Variants in POU2F2 observed in about 807,000 individuals in gnomAD.
The protein encoded by POU2F2 is POU class 2 homeobox 2.
Under a neutral mutation model 63.5 loss-of-function variants are expected in POU2F2, and 14 were observed. The observed-to-expected ratio is 0.22, with a 90% CI of 0.15 to 0.34. POU2F2 has a LOEUF of 0.34. Ranked by LOEUF, POU2F2 falls within the 10% of genes least tolerant of loss-of-function variation. The pLI is 1.00. For synonymous variants in POU2F2, 306 were observed against 348.6 expected (o/e 0.88, Z 1.36); for missense variants, 607 against 815.2 (o/e 0.74, Z 3.11).
chr19:42,125,761 C>A (rs1404636827), intron 1 of POU2F2, among the ~76,000 whole-genome samples: 1 of 152,214 alleles, frequency 6.6e-6, no homozygotes, highest in Non-Finnish European at 1.5e-5. Context: ...GAGAAATAAA[C>A]AACCTGGCCT....
rs534883950 is a variant in POU2F2, at chr19:42,130,079, C to T, written c.28+2305G>A. ...ACACACATGCACTCACACACACTCT[C>T]ACACTGAGTGACACACAGCCAGCCA... On this transcript the variant is annotated intron_variant, in intron 1 of 14. Transcript: ENST00000692977. Among the ~76,000 whole-genome samples the T allele has an allele frequency of 7.9e-5, 12 of 152,266 alleles. No individual in the cohort carries two copies. The Middle Eastern group carries it at 0.014, about 173-fold the overall frequency.
At chr19:42,119,211 G>A (rs530986183) in intron 4 of POU2F2, among the ~76,000 whole-genome samples, 2 of 152,060 alleles carry the variant, frequency 1.3e-5, no homozygotes, top group Non-Finnish European at 2.9e-5. Context: ...AGAAGTCAGG[G>A]TAGCAGCTAT....
intron 1 of POU2F2, among the ~76,000 whole-genome samples, chr19:42,129,710 G>A (rs563608553): frequency 4.6e-5 from 7 of 152,186 alleles, no homozygotes; most frequent in African/African-American, 1.2e-4. Context: ...CCAGCTGGCC[G>A]AGCCCCCGTC....
rs1330810444 is a variant in POU2F2, at chr19:42,099,513, A to G, written c.567+14T>C. 2.5e-6 allele frequency: 4 copies of G among 1,597,184 alleles called. No individual in the cohort carries two copies. The highest frequency in any genetic ancestry group is 2.2e-5 in the East Asian group (1 of 44,796). ...CTGCTGGCCTGGCCTGGTGCACTCAATGGACAGTCTCACCTGTGTGGGAAG... is the reference window on the plus strand; with the variant it reads ...CTGCTGGCCTGGCCTGGTGCACTCAGTGGACAGTCTCACCTGTGTGGGAAG... On this transcript the variant is annotated intron_variant, in intron 7 of 14. Transcript: ENST00000692977.
At chr19:42,166,873 G>A (rs932468073) in intron 1 of POU2F2, among the ~76,000 whole-genome samples, 6 of 152,212 alleles carry the variant, frequency 3.9e-5, no homozygotes, top group African/African-American at 9.6e-5. Context: ...CACAGCAGAC[G>A]TCTACCTCCA....
intron 2 of POU2F2, among the ~76,000 whole-genome samples, chr19:42,137,499 G>A (rs1464393681): frequency 1.3e-5 from 2 of 152,084 alleles, no homozygotes; most frequent in Non-Finnish European, 2.9e-5. Flanking sequence ...AGGTGGGAGA[G>A]TTGCTTGACA....
At position 42,162,668 on chromosome 19, in the gene POU2F2, G is replaced by A. The variant is rs1462415783; in HGVS notation, c.-69-2276C>T. ...GCCAGTGTATATAATGGTTTGCTGT[G>A]TCCTGGGGTCAGTTTGCCATGTACA... On this transcript the variant is annotated intron_variant, in intron 1 of 6. Transcript: ENST00000524801. The surrounding 1 kb of genome is among the most constrained non-coding windows in gnomAD (Gnocchi z 4.1). 1.3e-5 allele frequency among the ~76,000 whole-genome samples: 2 copies of A among 152,182 alleles called. No homozygotes were observed. The highest frequency in any genetic ancestry group is 2.9e-5 in the Non-Finnish European group (2 of 68,020).
chr19:42,172,056 A>T (rs1346790418), intron 1 of POU2F2, among the ~76,000 whole-genome samples: 1 of 152,146 alleles, frequency 6.6e-6, no homozygotes, highest in Non-Finnish European at 1.5e-5. Context: ...GGGCCTTGCA[A>T]CATTGTGCCA....
chr19:42,100,434 G>A (rs991191995), intron 5 of POU2F2, among the ~76,000 whole-genome samples: 5 of 151,758 alleles, frequency 3.3e-5, no homozygotes, highest in African/African-American at 7.3e-5. Flanking sequence ...TAACATTTCC[G>A]CAGAACAAAT....
intron 1 of POU2F2, among the ~76,000 whole-genome samples, chr19:42,175,170 A>C (rs534708191): frequency 3.3e-5 from 5 of 152,210 alleles, no homozygotes; most frequent in African/African-American, 9.6e-5. Context: ...CCAGAGCCCC[A>C]GTGAGCATCC....
At chr19:42,110,704 C>A in intron 5 of POU2F2, 1 of 456,158 alleles carries the variant, frequency 2.2e-6, no homozygotes, top group Non-Finnish European at 4.4e-6. Context: ...TCCTTACCCT[C>A]TTTAAGCCTC....
upstream of POU2F2, among the ~76,000 whole-genome samples, chr19:42,180,167 G>A (rs1461773196): frequency 6.6e-6 from 1 of 152,068 alleles, no homozygotes; most frequent in Non-Finnish European, 1.5e-5. Context: ...ATACTGTGTG[G>A]GCACAACATA....
chr19:42,117,028 G>A lies in POU2F2; in HGVS notation c.369+222C>T. 1.5e-6 allele frequency: 1 copy of A among 651,836 alleles called. No homozygotes were observed. The highest frequency in any genetic ancestry group is 2.7e-5 in the East Asian group (1 of 36,622). 40.4% of individuals were successfully genotyped at this position (651,836 alleles called of 1,614,324 possible). A position where few individuals can be genotyped will look rare whatever the true frequency, so the allele number is the denominator to read the frequency against. ...GAGCTGCGGGGTGTCGGGGACAGCA[G>A]GAATTGGAGCAAGGGGTTGAAGAGG... is the stretch of plus-strand genomic sequence containing the variant. On this transcript the variant is annotated intron_variant, in intron 5 of 14. Transcript: ENST00000692977. This position sits in a 1 kb window ranked among gnomAD's most constrained non-coding sequence, Gnocchi z 4.4.
At chr19:42,142,552 G>T (rs895963000) in intron 2 of POU2F2, among the ~76,000 whole-genome samples, 57 of 150,358 alleles carry the variant, frequency 3.8e-4, no homozygotes, top group Admixed American at 6.6e-5. Context: ...GGTTTGGGGG[G>T]TTTTTTATTT....
Position 42,095,498 on chromosome 19 carries a change from G to T in POU2F2, c.1021-36C>A. 1 of 1,605,978 alleles carries T rather than the reference G, an allele frequency of 6.2e-7. No homozygotes were observed. The highest frequency in any genetic ancestry group is 8.5e-7 in the Non-Finnish European group (1 of 1,176,386). On this transcript the variant is annotated intron_variant, in intron 10 of 14. Coordinates refer to ENST00000692977, the MANE Select transcript of POU2F2 (RefSeq NM_001394376.1). This position sits in a 1 kb window ranked among gnomAD's most constrained non-coding sequence, Gnocchi z 7.1. ...AGGGCTCGTTAGCCCGAGGCCCACCGCCCGCCACCCCTCAGGTGAGGGCCA... is the reference window on the plus strand; with the variant it reads ...AGGGCTCGTTAGCCCGAGGCCCACCTCCCGCCACCCCTCAGGTGAGGGCCA...
At chr19:42,110,067 G>A (rs1459055953) in intron 5 of POU2F2, among the ~76,000 whole-genome samples, 2 of 151,798 alleles carry the variant, frequency 1.3e-5, no homozygotes, top group Non-Finnish European at 2.9e-5. Context: ...GACCAGTTGG[G>A]CAACATAGTG....
At chr19:42,120,602 G>A (rs1363114615) in intron 4 of POU2F2, among the ~76,000 whole-genome samples, 1 of 152,168 alleles carries the variant, frequency 6.6e-6, no homozygotes, top group Non-Finnish European at 1.5e-5. Context: ...CGGCACACAA[G>A]AGACTCTGGG....
chr19:42,189,740 T>A lies in POU2F2; in HGVS notation c.-70+6643A>T, dbSNP rs1054750350. 5.9e-5 allele frequency among the ~76,000 whole-genome samples: 9 copies of A among 151,898 alleles called. No individual in the cohort carries two copies. The South Asian group carries it at 1.9e-3, about 32-fold the overall frequency. ...TTGAGTGCGGCGGGGGGAGTTTGTT[T>A]TGTTTCTTTGTTTTTGAGATACTCT... is the stretch of plus-strand genomic sequence containing the variant. On this transcript the variant is annotated intron_variant, in intron 1 of 5. Coordinates refer to the POU2F2 transcript ENST00000532176.
intron 1 of POU2F2, among the ~76,000 whole-genome samples, chr19:42,183,082 C>G (rs1212100491): frequency 1.3e-5 from 2 of 152,120 alleles, no homozygotes; most frequent in South Asian, 4.1e-4. Flanking sequence ...TTATGCACAC[C>G]CGGGTTCAGA....
Sources: allele counts gnomAD v4.1 joint callset (sites outside exome capture counted in the v4.1 genomes callset), GRCh38; gene constraint gnomAD v4.1.1; non-coding constraint Gnocchi (gnomAD v3.1); transcripts MANE v1.5; gene names NCBI Gene and HGNC (gene_info 2026-07-23, HGNC 2026-07-21).